CDK14: variants seen among roughly 807,000 people sequenced by gnomAD.
The protein encoded by CDK14 is cyclin-dependent kinase 14.
A neutral mutation model predicts 60.7 loss-of-function variants in CDK14; 34 were observed. The observed-to-expected ratio is 0.56, with a 90% CI of 0.43 to 0.75. The LOEUF (loss-of-function observed/expected upper bound fraction) is 0.75. CDK14 is among the 30% of genes least tolerant of loss of function. The probability of loss-of-function intolerance (pLI) is 0.00; values close to 1 mark genes in which losing one functional copy is unlikely to be tolerated. For missense variants in CDK14, 482 were observed against 564.1 expected (o/e 0.85, Z 1.47); for synonymous variants, 197 against 203.7 (o/e 0.97, Z 0.28).
intron 3 of CDK14, among the ~76,000 whole-genome samples, chr7:90,742,647 A>G (rs910066220): frequency 1.3e-5 from 2 of 152,008 alleles, no homozygotes; most frequent in South Asian, 2.1e-4. Context: ...AGTCTACGTC[A>G]TACTGCTTTA....
At chr7:90,642,733 AGG>A (rs1800368060) in intron 2 of CDK14, among the ~76,000 whole-genome samples, 1 of 152,100 alleles carries the variant, frequency 6.6e-6, no homozygotes, top group Non-Finnish European at 1.5e-5. Context: ...TACTTTCTGA[AGG>A]GTTGAACCAA....
At chr7:90,687,707 C>T (rs937961576) in intron 2 of CDK14, among the ~76,000 whole-genome samples, 4 of 151,882 alleles carry the variant, frequency 2.6e-5, no homozygotes, top group Non-Finnish European at 4.4e-5. Context: ...CTTCTCACCC[C>T]CCAAGAAGGA....
At chr7:90,839,543 A>G (rs904742793) in intron 5 of CDK14, among the ~76,000 whole-genome samples, 24 of 152,266 alleles carry the variant, frequency 1.6e-4, no homozygotes, top group Admixed American at 1.3e-3. Flanking sequence ...AATGATCTCT[A>G]CTTGCTGCAA....
At chr7:90,687,001 A>G (rs980847610) in intron 2 of CDK14, among the ~76,000 whole-genome samples, 1 of 152,158 alleles carries the variant, frequency 6.6e-6, no homozygotes, top group African/African-American at 2.4e-5. Flanking sequence ...AAACTCATTC[A>G]TGTGACTGCC....
intron 10 of CDK14, among the ~76,000 whole-genome samples, chr7:91,037,783 G>A (rs1449830994): frequency 1.3e-5 from 2 of 151,608 alleles, no homozygotes; most frequent in African/African-American, 4.9e-5. Flanking sequence ...AAGAGCAAAG[G>A]TTACTGCCCA....
chr7:90,948,407 G>A (rs1375575723), intron 8 of CDK14, among the ~76,000 whole-genome samples: 2 of 152,146 alleles, frequency 1.3e-5, no homozygotes, highest in African/African-American at 4.8e-5. Flanking sequence ...TATTTAAGGG[G>A]CTGCTTAAGA....
Position 91,161,738 on chromosome 7 carries a change from A to G in CDK14, c.*28+43530A>G, listed in dbSNP as rs1049519082. Among the ~76,000 whole-genome samples, 56 of 152,250 alleles carry G rather than the reference A, an allele frequency of 3.7e-4. 1 individual carries two copies. Among genetic ancestry groups the G allele is most frequent in the Non-Finnish European group, 5.9e-5 (4 of 68,046 alleles). ...TACACCTAAAATGACTTAAAATCTAAGAAATGATTGCAAAATAAATAGTTA... is the reference window on the plus strand; with the variant it reads ...TACACCTAAAATGACTTAAAATCTAGGAAATGATTGCAAAATAAATAGTTA... On this transcript the variant is annotated intron_variant, in intron 14 of 14. Coordinates refer to ENST00000380050, the MANE Select transcript of CDK14 (RefSeq NM_001287135.2).
At chr7:90,885,886 A>G (rs1438465216) in intron 6 of CDK14, among the ~76,000 whole-genome samples, 2 of 152,132 alleles carry the variant, frequency 1.3e-5, no homozygotes, top group Admixed American at 1.3e-4. Context: ...ACAGAGAAGA[A>G]CAAAACACAC....
chr7:91,025,024 G>A (rs1040427079), intron 10 of CDK14, among the ~76,000 whole-genome samples: 1 of 152,176 alleles, frequency 6.6e-6, no homozygotes, highest in Admixed American at 6.5e-5. Flanking sequence ...AGGAATCAAG[G>A]ATATAAGTCT....
intron 9 of CDK14, among the ~76,000 whole-genome samples, chr7:90,957,020 G>A (rs1794440747): frequency 6.7e-6 from 1 of 150,256 alleles, no homozygotes; most frequent in Admixed American, 6.7e-5. Flanking sequence ...ATCATTGTTG[G>A]ACATTTGGGT....
intron 8 of CDK14, among the ~76,000 whole-genome samples, chr7:90,939,857 ATAT>A (rs1389270880): frequency 1.3e-5 from 2 of 152,182 alleles, no homozygotes; most frequent in Non-Finnish European, 2.9e-5. Flanking sequence ...ACTAGTGAGA[ATAT>A]TTAAATAGTA....
intron 14 of CDK14, among the ~76,000 whole-genome samples, chr7:91,196,744 G>A (rs1802554423): frequency 6.6e-6 from 1 of 152,228 alleles, no homozygotes; most frequent in Non-Finnish European, 1.5e-5. Context: ...AGAGAAGAAA[G>A]CCTAAATCAC....
In CDK14 at chr7:90,676,797, A is replaced by G. The variant is rs1801208836; in HGVS notation, c.124-49770A>G. ...GGGGTCTTCCTGCCTTGGCCTCCCA[A>G]AATGCTGGGATTACAGGCATGAGCC... is the stretch of plus-strand genomic sequence containing the variant. On this transcript the variant is annotated intron_variant, in intron 2 of 14. Transcript: ENST00000380050. Among the ~76,000 whole-genome samples the G allele has an allele frequency of 1.3e-5, 2 of 152,018 alleles. 1 individual carries two copies. The highest frequency in any genetic ancestry group is 4.2e-4 in the South Asian group (2 of 4,812).
chr7:91,174,476 A>G (rs891869049), intron 14 of CDK14, among the ~76,000 whole-genome samples: 1 of 152,008 alleles, frequency 6.6e-6, no homozygotes, highest in African/African-American at 2.4e-5. Flanking sequence ...TGACGAGCTG[A>G]GAGAAGAAGG....
intron 5 of CDK14, among the ~76,000 whole-genome samples, chr7:90,860,929 A>G (rs963131735): frequency 1.3e-5 from 2 of 152,162 alleles, no homozygotes; most frequent in African/African-American, 4.8e-5. Flanking sequence ...TGAAATTGCT[A>G]GCATTAGCAG....
chr7:90,838,940 T>G (rs1790202212), intron 5 of CDK14, among the ~76,000 whole-genome samples: 1 of 152,192 alleles, frequency 6.6e-6, no homozygotes. Flanking sequence ...CACTCACTAT[T>G]CATATACCCC....
chr7:91,007,709 G>A (rs891825965), intron 10 of CDK14, among the ~76,000 whole-genome samples: 15 of 151,946 alleles, frequency 9.9e-5, no homozygotes, highest in Middle Eastern at 3.2e-3. Flanking sequence ...CTTCCAGCTA[G>A]CAGCTGTCAG....
chr7:90,660,281 G>A (rs577448758), intron 2 of CDK14, among the ~76,000 whole-genome samples: 62 of 152,166 alleles, frequency 4.1e-4, no homozygotes, highest in Admixed American at 3.0e-3. Context: ...TCAAATACTG[G>A]CTAACTCAAA....
chr7:90,638,978 C>G (rs1274398214), intron 2 of CDK14, among the ~76,000 whole-genome samples: 1 of 152,148 alleles, frequency 6.6e-6, no homozygotes, highest in Non-Finnish European at 1.5e-5. Flanking sequence ...GCTTTCAGGT[C>G]CATCAGCTCC....
Sources: gnomAD v4.1 joint callset for allele counts (sites outside exome capture counted in the v4.1 genomes callset) on GRCh38, gnomAD v4.1.1 for gene constraint, MANE v1.5 for transcripts, NCBI Gene and HGNC (gene_info 2026-07-23, HGNC 2026-07-21) for gene names.